ABCA9: variants seen among roughly 807,000 people sequenced by gnomAD.
The protein encoded by ABCA9 is ATP-binding cassette sub-family A member 9.
In ABCA9, 183 loss-of-function variants were observed where a neutral mutation model predicts 205.3. The observed-to-expected ratio is 0.89, with a 90% CI of 0.79 to 1.01. The LOEUF is 1.01. Among genes scored for constraint, ABCA9 ranks in the 50% least tolerant of loss-of-function variants. The probability of loss-of-function intolerance (pLI) is 0.00; values close to 1 mark genes in which losing one functional copy is unlikely to be tolerated. For missense variants in ABCA9, 1,805 were observed against 1,912.4 expected (o/e 0.94, Z 1.05); for synonymous variants, 651 against 683.3 (o/e 0.95, Z 0.74).
chr17:68,987,213 C>T (rs908403924), intron 31 of ABCA9, among the ~76,000 whole-genome samples: 20 of 152,176 alleles, frequency 1.3e-4, no homozygotes, highest in Non-Finnish European at 2.6e-4. Flanking sequence ...TACAAGGTCA[C>T]AACAAGGTAA....
chr17:69,030,842 G>T (rs1485961970), intron 10 of ABCA9, among the ~76,000 whole-genome samples: 1 of 152,062 alleles, frequency 6.6e-6, no homozygotes, highest in African/African-American at 2.4e-5. Flanking sequence ...CTATACTGTG[G>T]TTGGTATAAT....
At chr17:69,041,465 A>T (rs1254492982) in intron 6 of ABCA9, among the ~76,000 whole-genome samples, 1 of 152,110 alleles carries the variant, frequency 6.6e-6, no homozygotes, top group Admixed American at 6.6e-5. Flanking sequence ...GCACTTTGGG[A>T]GGCCGAGGCA....
intron 3 of ABCA9, among the ~76,000 whole-genome samples, chr17:69,045,830 AC>A (rs1434988925): frequency 1.3e-5 from 2 of 151,904 alleles, no homozygotes; most frequent in Non-Finnish European, 2.9e-5. Flanking sequence ...GGGAGAAACC[AC>A]CCCCATAATC....
intron 26 of ABCA9, among the ~76,000 whole-genome samples, chr17:68,995,018 T>C (rs2069570959): frequency 6.6e-6 from 1 of 152,198 alleles, no homozygotes; most frequent in African/African-American, 2.4e-5. Context: ...CCTCACATTT[T>C]CTACTAAGTT....
chr17:69,017,821 A>C, intron 20 of ABCA9, 32 bp from the exon 21 acceptor site: 1 of 1,601,820 alleles, frequency 6.2e-7, no homozygotes, highest in Non-Finnish European at 8.5e-7. Context: ...AGGAAGCAAA[A>C]ATGAAATAAA....
intron 12 of ABCA9, 79 bp from the exon 13 acceptor site, chr17:69,027,894 G>T: frequency 9.0e-7 from 1 of 1,116,960 alleles, no homozygotes; most frequent in Non-Finnish European, 1.3e-6. Context: ...GGAAAACACT[G>T]TATGTCAATT....
chr17:69,026,007 G>A (rs1273354770), intron 16 of ABCA9, among the ~76,000 whole-genome samples: 4 of 152,014 alleles, frequency 2.6e-5, no homozygotes, highest in African/African-American at 7.2e-5. Flanking sequence ...CAAAAGGATG[G>A]TGGAAAGAAA....
chr17:68,992,122 C>G, intron 28 of ABCA9, 53 bp downstream of exon 28: 1 of 1,309,016 alleles, frequency 7.6e-7, no homozygotes, highest in African/African-American at 1.5e-5. Context: ...TTAAAAAGTC[C>G]TTAAAGAATG....
intron 25 of ABCA9, among the ~76,000 whole-genome samples, chr17:69,003,059 G>A (rs1001441965): frequency 3.3e-5 from 5 of 150,544 alleles, no homozygotes; most frequent in African/African-American, 5.0e-5. Flanking sequence ...GATGGGTCTT[G>A]ACTCTTTATC....
At chr17:69,014,536 T>G (rs770810906) in intron 22 of ABCA9, among the ~76,000 whole-genome samples, 14 of 152,150 alleles carry the variant, frequency 9.2e-5, no homozygotes, top group Non-Finnish European at 1.8e-4. Flanking sequence ...AAAGTCTGCT[T>G]GGGACATTTA....
chr17:69,026,706 A>G (rs981797216), intron 15 of ABCA9, among the ~76,000 whole-genome samples: 8 of 152,200 alleles, frequency 5.3e-5, no homozygotes. Context: ...GATCTGTTTC[A>G]GTTACACTGA....
intron 18 of ABCA9, 101 bp from the exon 19 acceptor site, chr17:69,020,687 C>A (rs1402340344): frequency 2.1e-5 from 21 of 1,012,150 alleles, no homozygotes; most frequent in Non-Finnish European, 1.7e-5. Context: ...AAGTTACCCT[C>A]TTGGGCCAAG....
intron 1 of ABCA9, among the ~76,000 whole-genome samples, chr17:69,055,008 AAAG>A (rs1370785913): frequency 2.3e-4 from 35 of 152,288 alleles, no homozygotes; most frequent in African/African-American, 8.4e-4. Context: ...ATAATCTAAG[AAAG>A]AAGGAAAAAT....
Position 69,039,280 on chromosome 17 carries a change from A to G in ABCA9, c.801-3479T>C, listed in dbSNP as rs1181098449. Reference sequence around the variant, plus strand: ...AGACAATCCTAGGCAAAAAGAACAAAGCTGGAGGCATCACACTATTTGACT... The same window carrying G: ...AGACAATCCTAGGCAAAAAGAACAAGGCTGGAGGCATCACACTATTTGACT... On this transcript the variant is annotated intron_variant, in intron 6 of 38. Coordinates refer to ENST00000340001, the MANE Select transcript of ABCA9 (RefSeq NM_080283.4). Among the ~76,000 whole-genome samples, 3 of 152,212 alleles carry G rather than the reference A, an allele frequency of 2.0e-5. No individual in the cohort carries two copies. The East Asian group carries it at 5.8e-4, about 29-fold the overall frequency.
At chr17:69,021,968 C>A (rs985477841) in intron 17 of ABCA9, 107 bp from the exon 18 acceptor site, 6 of 899,902 alleles carry the variant, frequency 6.7e-6, no homozygotes, top group Non-Finnish European at 6.1e-6. Flanking sequence ...TAATCAGAAA[C>A]AAAATTGTGA....
chr17:69,061,081 C>T, upstream of ABCA9: 1 of 985,420 alleles, frequency 1.0e-6, no homozygotes, highest in Non-Finnish European at 1.2e-6. Flanking sequence ...GTGGTGATTT[C>T]TTTGCTGTTT....
At chr17:69,014,198 A>G (rs2144235541) in intron 22 of ABCA9, among the ~76,000 whole-genome samples, 1 of 152,282 alleles carries the variant, frequency 6.6e-6, no homozygotes, top group South Asian at 2.1e-4. Context: ...AAATGCTCCA[A>G]AATTCAAAAC....
chr17:69,048,087 A>C (rs1243146516), intron 3 of ABCA9, among the ~76,000 whole-genome samples: 1 of 152,162 alleles, frequency 6.6e-6, no homozygotes, highest in Non-Finnish European at 1.5e-5. Context: ...AAATCATTAG[A>C]TCTTGTGAGA....
chr17:68,992,865 GTGTGCACGCATGCATGCATGTGCA>G lies in ABCA9; in HGVS notation c.3624+127_3624+150del, dbSNP rs2069499938. ...GTTAAAAGCCATCGTGTGTGTGTGT[GTGTGCACGCATGCATGCATGTGCA>G]TGTGTGTGTTGCTTCAAATGCCTAA... is the stretch of plus-strand genomic sequence containing the variant. On this transcript the variant is annotated intron_variant, in intron 27 of 38. Coordinates refer to ENST00000340001, the MANE Select transcript of ABCA9 (RefSeq NM_080283.4). The G allele has an allele frequency of 5.2e-6, 3 of 578,636 alleles. No homozygotes were observed. The African/African-American group carries it at 5.7e-5, about 11-fold the overall frequency. The allele number at this position is 578,636 out of a possible 1,614,324, so 35.8% of individuals were successfully genotyped here.
Sources: gnomAD v4.1 joint callset for allele counts (sites outside exome capture counted in the v4.1 genomes callset) on GRCh38, gnomAD v4.1.1 for gene constraint, MANE v1.5 for transcripts, NCBI Gene and HGNC (gene_info 2026-07-23, HGNC 2026-07-21) for gene names.